DENND1B: variants seen among roughly 807,000 people sequenced by gnomAD.
The protein encoded by DENND1B is DENN domain-containing protein 1B.
Under a neutral mutation model 90.1 loss-of-function variants are expected in DENND1B, and 59 were observed. That is an observed-to-expected ratio of 0.65 (90% CI 0.53 to 0.81). DENND1B has a LOEUF of 0.81. DENND1B is among the 40% of genes least tolerant of loss of function. The probability of loss-of-function intolerance (pLI) is 0.00; values close to 1 mark genes in which losing one functional copy is unlikely to be tolerated. For synonymous variants in DENND1B, 337 were observed against 324.6 expected (o/e 1.04, Z -0.41); for missense variants, 862 against 912.6 (o/e 0.94, Z 0.71).
chr1:197,689,723 C>CT (rs1657651992), intron 3 of DENND1B: 1 of 152,454 alleles, frequency 6.6e-6, no homozygotes, highest in East Asian at 1.9e-4. Flanking sequence ...GTGCCAATTT[C>CT]TTTTTTATTT....
intron 3 of DENND1B, chr1:197,689,639 G>C (rs1657639855): frequency 5.6e-6 from 1 of 177,418 alleles, no homozygotes; most frequent in African/African-American, 2.4e-5. Context: ...AGCCAGAAGA[G>C]ATATGAGAAA....
chr1:197,753,005 G>A (rs1340418947), intron 2 of DENND1B, among the ~76,000 whole-genome samples: 2 of 151,978 alleles, frequency 1.3e-5, no homozygotes, highest in Admixed American at 1.3e-4. Flanking sequence ...TGGTGTATAT[G>A]TGCCACATTT....
intron 20 of DENND1B, among the ~76,000 whole-genome samples, chr1:197,525,045 C>G (rs936326051): frequency 8.5e-5 from 13 of 152,202 alleles, no homozygotes; most frequent in African/African-American, 2.9e-4. Flanking sequence ...TGGCAGCACT[C>G]TATCAGGGAT....
At chr1:197,748,282 G>A (rs1386056655) in intron 2 of DENND1B, among the ~76,000 whole-genome samples, 2 of 118,652 alleles carry the variant, frequency 1.7e-5, no homozygotes, top group African/African-American at 3.1e-5. Flanking sequence ...GGGTGGGGGG[G>A]TGGGGGCATG....
intron 2 of DENND1B, among the ~76,000 whole-genome samples, chr1:197,767,827 G>GA (rs1275808184): frequency 6.6e-6 from 1 of 151,980 alleles, no homozygotes; most frequent in Non-Finnish European, 1.5e-5. Context: ...TTCCCATTTG[G>GA]AAAAAATGAT....
At chr1:197,669,414 C>T (rs1655267358) in intron 5 of DENND1B, among the ~76,000 whole-genome samples, 1 of 152,078 alleles carries the variant, frequency 6.6e-6, no homozygotes, top group African/African-American at 2.4e-5. Flanking sequence ...TGCCAAAATT[C>T]CTTTCCAGGG....
At chr1:197,635,881 T>C (rs1315336290) in intron 10 of DENND1B, among the ~76,000 whole-genome samples, 2 of 151,974 alleles carry the variant, frequency 1.3e-5, no homozygotes, top group Non-Finnish European at 2.9e-5. Flanking sequence ...ATTTCATCCA[T>C]TCACTCAGAA....
chr1:197,574,937 T>C (rs1253996509), intron 15 of DENND1B, among the ~76,000 whole-genome samples: 1 of 152,116 alleles, frequency 6.6e-6, no homozygotes, highest in East Asian at 1.9e-4. Flanking sequence ...GTACAAAAAT[T>C]AATTCAAGAT....
intron 2 of DENND1B, among the ~76,000 whole-genome samples, chr1:197,731,873 T>C (rs961315556): frequency 7.2e-5 from 11 of 152,180 alleles, no homozygotes; most frequent in Non-Finnish European, 1.3e-4. Flanking sequence ...TTTTCTCCAA[T>C]GTAAAGTAGT....
At chr1:197,708,032 C>T (rs1266348039) in intron 3 of DENND1B, among the ~76,000 whole-genome samples, 2 of 150,462 alleles carry the variant, frequency 1.3e-5, no homozygotes, top group African/African-American at 4.9e-5. Context: ...GCTTAAGAAA[C>T]GGCGCACCAC....
At chr1:197,563,395 G>A (rs184278819) in intron 15 of DENND1B, among the ~76,000 whole-genome samples, 1 of 152,010 alleles carries the variant, frequency 6.6e-6, no homozygotes, top group Non-Finnish European at 1.5e-5. Flanking sequence ...AAATCCTTGG[G>A]CCCTTACAAA....
intron 2 of DENND1B, among the ~76,000 whole-genome samples, chr1:197,753,802 A>AC (rs1326676826): frequency 6.6e-6 from 1 of 151,956 alleles, no homozygotes; most frequent in Non-Finnish European, 1.5e-5. Context: ...GGAGTTCGAG[A>AC]CCAGCCTGGC....
At chr1:197,607,551 T>C (rs943635222) in intron 12 of DENND1B, among the ~76,000 whole-genome samples, 1 of 150,844 alleles carries the variant, frequency 6.6e-6, no homozygotes, top group African/African-American at 2.4e-5. Context: ...ATGTTTAGCA[T>C]AAAGCATATT....
chr1:197,777,356 C>T (rs1775447), upstream of DENND1B, among the ~76,000 whole-genome samples: 129,901 of 152,156 alleles, frequency 0.85, 55,856 homozygotes, highest in African/African-American at 0.96. Context: ...ATGTTAAGTA[C>T]ATCGAGGGAA....
intron 18 of DENND1B, 29 bp downstream of exon 18, chr1:197,545,893 T>C (rs779526685): frequency 6.5e-6 from 10 of 1,542,172 alleles, no homozygotes; most frequent in South Asian, 2.4e-5. Flanking sequence ...ATTTCATAAA[T>C]AGGATTGTTA....
At chr1:197,642,648 G>A in intron 10 of DENND1B, 63 bp downstream of exon 10, 1 of 1,198,746 alleles carries the variant, frequency 8.3e-7, no homozygotes, top group Non-Finnish European at 1.2e-6. Flanking sequence ...ATCTGCAAAG[G>A]TTTTTAGGTC....
chr1:197,729,801 T>C (rs909850914), intron 2 of DENND1B, among the ~76,000 whole-genome samples: 8 of 152,190 alleles, frequency 5.3e-5, no homozygotes. Context: ...AGGTGAGTTA[T>C]AGTAAATGAC....
intron 10 of DENND1B, among the ~76,000 whole-genome samples, chr1:197,627,062 G>C (rs1454387055): frequency 6.6e-6 from 1 of 151,652 alleles, no homozygotes; most frequent in Non-Finnish European, 1.5e-5. Flanking sequence ...AAAGAGTCCA[G>C]GACCAGATGG....
chr1:197,701,341 A>G (rs1471083155), intron 3 of DENND1B, among the ~76,000 whole-genome samples: 2 of 152,192 alleles, frequency 1.3e-5, no homozygotes, highest in Non-Finnish European at 2.9e-5. Context: ...AGAAAACCAA[A>G]CACCGTATTT....
Sources: allele counts gnomAD v4.1 joint callset (sites outside exome capture counted in the v4.1 genomes callset), GRCh38; gene constraint gnomAD v4.1.1; transcripts MANE v1.5; gene names NCBI Gene and HGNC (gene_info 2026-07-23, HGNC 2026-07-21).